MDGA2: variants seen among roughly 807,000 people sequenced by gnomAD.
MDGA2 encodes MAM domain containing glycosylphosphatidylinositol anchor 2.
Under a neutral mutation model 117.8 loss-of-function variants are expected in MDGA2, and 40 were observed. The ratio of observed to expected loss-of-function variants is 0.34; its 90% CI spans 0.26 to 0.44. MDGA2 has a LOEUF of 0.44. Among genes scored for constraint, MDGA2 ranks in the 20% least tolerant of loss-of-function variants. MDGA2 has a pLI of 1.00. For missense variants in MDGA2, 1,123 were observed against 1,250.6 expected (o/e 0.90, Z 1.54); for synonymous variants, 452 against 439.0 (o/e 1.03, Z -0.37).
At chr14:47,566,406 C>T (rs1298049953) in intron 1 of MDGA2, among the ~76,000 whole-genome samples, 1 of 152,192 alleles carries the variant, frequency 6.6e-6, no homozygotes, top group Non-Finnish European at 1.5e-5. Context: ...CAAGATCACC[C>T]TGGTCTCTTC....
rs545561936 is a variant in MDGA2, at chr14:47,266,810, T to C, written c.420+34601A>G. On this transcript the variant is annotated intron_variant, in intron 2 of 16. Coordinates refer to ENST00000399232, the MANE Select transcript of MDGA2 (RefSeq NM_001113498.3). ...CTCCAACACTTCCAGTGTAATTTGA[T>C]TAATTATTCAACTTTCAACTTCACT... Among the ~76,000 whole-genome samples the C allele has an allele frequency of 3.9e-5, 6 of 152,296 alleles. 1 individual carries two copies. In the South Asian group the frequency reaches 1.2e-3, roughly 32 times the overall value.
rs1245523118 is a variant in MDGA2, at chr14:47,636,864, C to T, written c.280+37653G>A. On this transcript the variant is annotated intron_variant, in intron 1 of 16. Transcript: ENST00000399232. ...GAGCGTGCCTGTAATCCCAGCTACT[C>T]GGGAGGCTGAGGCAGGAGAATCACT... Among the ~76,000 whole-genome samples the T allele has an allele frequency of 7.8e-5, 11 of 141,282 alleles. No individual in the cohort carries two copies. The South Asian group carries it at 1.8e-3, about 23-fold the overall frequency. 92.7% of individuals were successfully genotyped at this position (141,282 alleles called of 152,430 possible).
chr14:47,074,638 G>C lies in MDGA2; in HGVS notation c.1196-13060C>G, dbSNP rs530530237. On this transcript the variant is annotated intron_variant, in intron 6 of 16. Coordinates refer to ENST00000399232, the MANE Select transcript of MDGA2 (RefSeq NM_001113498.3). ...AATTGCCAGGGAGAATATGTTCTGA[G>C]GAGCAGCAGCTCAGTCCAAACTCCT... 7.5e-4 allele frequency among the ~76,000 whole-genome samples: 114 copies of C among 152,306 alleles called. 1 individual carries two copies. The highest frequency in any genetic ancestry group is 2.7e-3 in the African/African-American group (111 of 41,570).
intron 1 of MDGA2, among the ~76,000 whole-genome samples, chr14:47,326,390 G>C (rs968342940): frequency 6.6e-6 from 1 of 152,140 alleles, no homozygotes; most frequent in Non-Finnish European, 1.5e-5. Context: ...ATGAGACTCA[G>C]AAAGGTTAAA....
intron 10 of MDGA2, among the ~76,000 whole-genome samples, chr14:46,918,316 T>C (rs1227054765): frequency 6.6e-6 from 1 of 152,148 alleles, no homozygotes; most frequent in Non-Finnish European, 1.5e-5. Context: ...AACAATGTAG[T>C]AAGGAGTTTT....
chr14:46,920,205 A>G (rs778497038), intron 9 of MDGA2, 45 bp from the exon 10 acceptor site: 2 of 1,573,100 alleles, frequency 1.3e-6, no homozygotes, highest in South Asian at 1.2e-5. Flanking sequence ...GACATATTGT[A>G]GTGTAAGCAT....
intron 6 of MDGA2, among the ~76,000 whole-genome samples, chr14:47,074,668 C>T (rs1294435656): frequency 4.6e-5 from 7 of 152,222 alleles, no homozygotes; most frequent in Non-Finnish European, 8.8e-5. Flanking sequence ...ACTCCTGCTG[C>T]ATTTGCTGTA....
intron 1 of MDGA2, among the ~76,000 whole-genome samples, chr14:47,620,696 G>A (rs1362930294): frequency 6.6e-6 from 1 of 152,134 alleles, no homozygotes; most frequent in Non-Finnish European, 1.5e-5. Flanking sequence ...GGTTGCCATT[G>A]TATGGCTCAA....
At chr14:47,056,545 T>C (rs1248620438) in intron 7 of MDGA2, among the ~76,000 whole-genome samples, 6 of 152,164 alleles carry the variant, frequency 3.9e-5, no homozygotes, top group African/African-American at 1.4e-4. Flanking sequence ...GCTATATTTG[T>C]CCACCAGATG....
chr14:47,242,899 T>C (rs1887105146), intron 2 of MDGA2, among the ~76,000 whole-genome samples: 3 of 151,858 alleles, frequency 2.0e-5, no homozygotes, highest in South Asian at 4.2e-4. Flanking sequence ...TGAAGCCAGC[T>C]GGGCTCCTGA....
intron 1 of MDGA2, among the ~76,000 whole-genome samples, chr14:47,630,330 T>G (rs747252802): frequency 2.6e-5 from 4 of 152,206 alleles, no homozygotes; most frequent in African/African-American, 9.6e-5. Context: ...GGAAACTAAA[T>G]TTTTAGCTTG....
At chr14:46,904,357 CAAA>C (rs5808366) in intron 10 of MDGA2, among the ~76,000 whole-genome samples, 1,876 of 73,844 alleles carry the variant, frequency 0.025, 29 homozygotes, top group African/African-American at 0.07. Context: ...GACTCTGTCT[CAAA>C]AAAAAAAAAA....
chr14:47,359,365 AC>A (rs1891063174), intron 1 of MDGA2, among the ~76,000 whole-genome samples: 1 of 151,960 alleles, frequency 6.6e-6, no homozygotes, highest in Non-Finnish European at 1.5e-5. Context: ...AAACAAACAA[AC>A]AAGCAAACAA....
intron 2 of MDGA2, among the ~76,000 whole-genome samples, chr14:47,269,979 C>G (rs1888094070): frequency 6.6e-6 from 1 of 152,134 alleles, no homozygotes; most frequent in Admixed American, 6.5e-5. Context: ...TGATTACTAA[C>G]TATTACTGCC....
At chr14:47,404,061 T>C in intron 1 of MDGA2, among the ~76,000 whole-genome samples, 1 of 152,186 alleles carries the variant, frequency 6.6e-6, no homozygotes, top group Non-Finnish European at 1.5e-5. Flanking sequence ...AAGGCTCCTG[T>C]GTCACGTAAA....
chr14:46,936,731 TA>T (rs905047709), intron 9 of MDGA2, among the ~76,000 whole-genome samples: 20 of 145,572 alleles, frequency 1.4e-4, no homozygotes, highest in East Asian at 4.0e-4. Context: ...CATTCCTTCA[TA>T]AAAAAAAAAC....
chr14:47,500,268 C>A (rs917863772), intron 1 of MDGA2, among the ~76,000 whole-genome samples: 1 of 151,996 alleles, frequency 6.6e-6, no homozygotes, highest in African/African-American at 2.4e-5. Flanking sequence ...CATTTAGAGG[C>A]CTCAGCCCGT....
chr14:47,273,450 G>A (rs547840994), intron 2 of MDGA2, among the ~76,000 whole-genome samples: 5 of 152,166 alleles, frequency 3.3e-5, no homozygotes, highest in African/African-American at 1.2e-4. Context: ...GTGCTTTAAC[G>A]AAAGATAAAA....
chr14:46,877,602 T>C (rs1324444928), intron 11 of MDGA2, 93 bp from the exon 12 acceptor site: 8 of 838,922 alleles, frequency 9.5e-6, no homozygotes, highest in African/African-American at 1.7e-5. Context: ...CAGTGTCTCA[T>C]AGTTCCTTAC....
Sources: gnomAD v4.1 joint callset for allele counts (sites outside exome capture counted in the v4.1 genomes callset) on GRCh38, gnomAD v4.1.1 for gene constraint, MANE v1.5 for transcripts, NCBI Gene and HGNC (gene_info 2026-07-23, HGNC 2026-07-21) for gene names.